Variants in FAM167A observed in about 807,000 individuals in gnomAD.
FAM167A encodes family with sequence similarity 167 member A.
A neutral mutation model predicts 14.9 loss-of-function variants in FAM167A; 23 were observed. The ratio of observed to expected loss-of-function variants is 1.55; its 90% CI spans 1.11 to 2.19. The LOEUF is 2.19. Among genes scored for constraint, FAM167A ranks in the 30% most tolerant of loss-of-function variants. The probability of loss-of-function intolerance (pLI) is 0.00; values close to 1 mark genes in which losing one functional copy is unlikely to be tolerated. For synonymous variants in FAM167A, 174 were observed against 117.7 expected, an observed-to-expected ratio of 1.48 and a Z score of -3.10; for missense variants, 401 against 281.5, an observed-to-expected ratio of 1.42 and a Z score of -3.04.
At chr8:11,438,148 G>A (rs1563369319) in intron 2 of FAM167A, 1 of 456,558 alleles carries the variant, frequency 2.2e-6, no homozygotes, top group South Asian at 1.5e-5. Flanking sequence ...TGGACATGGG[G>A]CTGGATGAAA....
intron 2 of FAM167A, among the ~76,000 whole-genome samples, chr8:11,441,919 C>T (rs555079689): frequency 2.6e-5 from 4 of 152,136 alleles, no homozygotes; most frequent in Admixed American, 6.5e-5. Context: ...GAAGGTCATC[C>T]GACAATTAGA....
chr8:11,455,682 G>A (rs1360836977), intron 1 of FAM167A, among the ~76,000 whole-genome samples: 2 of 149,340 alleles, frequency 1.3e-5, no homozygotes, highest in African/African-American at 4.9e-5. Context: ...GAATGTGAGT[G>A]TGGGTGTGGG....
chr8:11,441,271 C>T (rs1400582088), intron 2 of FAM167A, among the ~76,000 whole-genome samples: 1 of 152,226 alleles, frequency 6.6e-6, no homozygotes, highest in African/African-American at 2.4e-5. Context: ...TGGGTCTGTC[C>T]TCTCAGGTCC....
chr8:11,453,448 G>C (rs1807104129), intron 1 of FAM167A, among the ~76,000 whole-genome samples: 1 of 152,234 alleles, frequency 6.6e-6, no homozygotes, highest in East Asian at 1.9e-4. Flanking sequence ...AGAATCTTGT[G>C]AAGTATGCAC....
chr8:11,449,112 C>G (rs1044580859), intron 1 of FAM167A, among the ~76,000 whole-genome samples: 2 of 152,240 alleles, frequency 1.3e-5, no homozygotes, highest in Non-Finnish European at 2.9e-5. Context: ...GGGATTGCCC[C>G]CAGCACAGTC....
intron 2 of FAM167A, among the ~76,000 whole-genome samples, chr8:11,430,941 C>A (rs1325094157): frequency 6.6e-6 from 1 of 152,170 alleles, no homozygotes; most frequent in Non-Finnish European, 1.5e-5. Context: ...GAGCTGACTC[C>A]TACCCTCGGA....
chr8:11,429,772 A>T (rs1438763948), intron 2 of FAM167A, among the ~76,000 whole-genome samples: 2 of 152,198 alleles, frequency 1.3e-5, no homozygotes, highest in Admixed American at 1.3e-4. Context: ...CCCAGGTTCA[A>T]GCTGAGCTCC....
At chr8:11,450,304 C>T (rs900135738) in intron 1 of FAM167A, among the ~76,000 whole-genome samples, 1 of 152,236 alleles carries the variant, frequency 6.6e-6, no homozygotes, top group Non-Finnish European at 1.5e-5. Flanking sequence ...GTCATCGCAA[C>T]ATTAGCTAAT....
At chr8:11,467,262 G>A (rs987995602), upstream of FAM167A, among the ~76,000 whole-genome samples, 3 of 152,382 alleles carry the variant, frequency 2.0e-5, no homozygotes, top group East Asian at 5.8e-4. Context: ...GCAAAGACGC[G>A]AGCGTTTGCC....
intron 1 of FAM167A, among the ~76,000 whole-genome samples, chr8:11,473,928 A>G (rs1438218268): frequency 1.3e-5 from 2 of 151,530 alleles, no homozygotes; most frequent in Non-Finnish European, 2.9e-5. Flanking sequence ...GCTGGAGTGC[A>G]GTGGCGCAAT....
intron 2 of FAM167A, among the ~76,000 whole-genome samples, chr8:11,429,180 C>T (rs903476944): frequency 1.3e-5 from 2 of 152,178 alleles, no homozygotes; most frequent in African/African-American, 4.8e-5. Context: ...TATGACTACT[C>T]TAAGAACCTC....
chr8:11,448,761 T>C (rs1806898582), intron 1 of FAM167A, among the ~76,000 whole-genome samples: 1 of 152,204 alleles, frequency 6.6e-6, no homozygotes, highest in African/African-American at 2.4e-5. Flanking sequence ...GCTCGGGGTG[T>C]TGGAGAGACT....
intron 1 of FAM167A, among the ~76,000 whole-genome samples, chr8:11,454,360 G>A (rs578154944): frequency 6.6e-5 from 10 of 152,340 alleles, no homozygotes; most frequent in African/African-American, 2.4e-4. Context: ...TGATTCCTCC[G>A]TCAACACCTG....
chr8:11,461,906 G>A (rs779018429), intron 1 of FAM167A, among the ~76,000 whole-genome samples: 3 of 152,216 alleles, frequency 2.0e-5, no homozygotes, highest in Non-Finnish European at 4.4e-5. Flanking sequence ...CTCCACGTTC[G>A]GGCTGGGGGT....
intron 2 of FAM167A, among the ~76,000 whole-genome samples, chr8:11,439,562 G>T (rs892315396): frequency 3.3e-5 from 5 of 151,800 alleles, no homozygotes; most frequent in African/African-American, 1.2e-4. Context: ...ACTTGTCAAG[G>T]TTCTCTTCTC....
intron 2 of FAM167A, among the ~76,000 whole-genome samples, chr8:11,434,677 CAG>C (rs1235344570): frequency 6.6e-6 from 1 of 152,140 alleles, no homozygotes; most frequent in East Asian, 1.9e-4. Flanking sequence ...TTGGGAAGGA[CAG>C]AGTGATGCAT....
chr8:11,474,785 C>G (rs1356783527), intron 1 of FAM167A: 8 of 145,332 alleles, frequency 5.5e-5, no homozygotes, highest in African/African-American at 2.1e-4. Flanking sequence ...GGGGAGGAGA[C>G]AGGGAGTAGG....
At chr8:11,472,404 T>C (rs1452066190), upstream of FAM167A, among the ~76,000 whole-genome samples, 1 of 151,834 alleles carries the variant, frequency 6.6e-6, no homozygotes, top group African/African-American at 2.4e-5. Flanking sequence ...GCACAGCATT[T>C]GTTTTTGTTT....
At chr8:11,469,921 T>A (rs11783964), upstream of FAM167A, among the ~76,000 whole-genome samples, 114 of 145,000 alleles carry the variant, frequency 7.9e-4, no homozygotes, top group Non-Finnish European at 1.1e-3. Flanking sequence ...AATAAATAAA[T>A]AAAAGATTTA....
Sources: allele counts gnomAD v4.1 joint callset (sites outside exome capture counted in the v4.1 genomes callset), GRCh38; gene constraint gnomAD v4.1.1; transcripts MANE v1.5; gene names NCBI Gene and HGNC (gene_info 2026-07-23, HGNC 2026-07-21).